Variants in DLGAP1 observed in about 807,000 individuals in gnomAD.
The protein encoded by DLGAP1 is DLG associated protein 1, also known as disks large-associated protein 1.
Under a neutral mutation model 90.8 loss-of-function variants are expected in DLGAP1, and 11 were observed. That is an observed-to-expected ratio of 0.12 (90% CI 0.08 to 0.20). DLGAP1 has a LOEUF of 0.20. DLGAP1 is among the 10% of genes least tolerant of loss of function. The pLI is 1.00. For missense variants in DLGAP1, 1,050 were observed against 1,333.8 expected (o/e 0.79, Z 3.31); for synonymous variants, 558 against 540.7 (o/e 1.03, Z -0.44).
intron 2 of DLGAP1, among the ~76,000 whole-genome samples, chr18:4,115,938 T>C (rs1180670965): frequency 6.6e-6 from 1 of 152,260 alleles, no homozygotes; most frequent in South Asian, 2.1e-4. Context: ...GGAATGAATA[T>C]TCAATTACAC....
At chr18:4,208,216 G>C (rs898093304) in intron 1 of DLGAP1, among the ~76,000 whole-genome samples, 2 of 152,138 alleles carry the variant, frequency 1.3e-5, no homozygotes, top group African/African-American at 4.8e-5. Flanking sequence ...AGCAGGTTGT[G>C]TTTTGGAAGT....
chr18:4,086,780 T>A (rs1480318418), intron 2 of DLGAP1, among the ~76,000 whole-genome samples: 1 of 152,010 alleles, frequency 6.6e-6, no homozygotes, highest in Non-Finnish European at 1.5e-5. Flanking sequence ...TTAAGTCAGG[T>A]CAAGTTTGTT....
intron 7 of DLGAP1, among the ~76,000 whole-genome samples, chr18:3,586,451 T>A (rs1490272252): frequency 6.6e-6 from 1 of 152,042 alleles, no homozygotes; most frequent in African/African-American, 2.4e-5. Flanking sequence ...TGTCCAGTCA[T>A]GGGCTAGGAA....
chr18:4,369,151 T>G (rs1598298629), intron 1 of DLGAP1, among the ~76,000 whole-genome samples: 1 of 152,344 alleles, frequency 6.6e-6, no homozygotes, highest in East Asian at 1.9e-4. Flanking sequence ...TCTCCTTATA[T>G]CTGAGATGTA....
At chr18:4,224,615 T>C (rs567511) in intron 1 of DLGAP1, among the ~76,000 whole-genome samples, 116,996 of 152,012 alleles carry the variant, frequency 0.77, 45,489 homozygotes, top group African/African-American at 0.87. Flanking sequence ...ACGCCTCTGC[T>C]TGTGGAAAGG....
At chr18:4,117,401 T>A (rs1214645868) in intron 2 of DLGAP1, among the ~76,000 whole-genome samples, 4 of 152,262 alleles carry the variant, frequency 2.6e-5, no homozygotes, top group Non-Finnish European at 5.9e-5. Context: ...GCAACACTGC[T>A]TATTGATTGC....
At chr18:4,149,599 G>T (rs1440851257) in intron 2 of DLGAP1, among the ~76,000 whole-genome samples, 1 of 152,208 alleles carries the variant, frequency 6.6e-6, no homozygotes, top group African/African-American at 2.4e-5. Flanking sequence ...CTGCACAGCA[G>T]GAAGTGAGCA....
chr18:4,437,741 A>G (rs926771700), intron 1 of DLGAP1, among the ~76,000 whole-genome samples: 14 of 152,346 alleles, frequency 9.2e-5, no homozygotes, highest in Admixed American at 9.1e-4. Context: ...ATGGTTTAAA[A>G]GATTATATGC....
intron 4 of DLGAP1, among the ~76,000 whole-genome samples, chr18:3,846,040 T>TATG (rs2068990069): frequency 1.0e-5 from 1 of 96,890 alleles, no homozygotes; most frequent in African/African-American, 4.1e-5. Flanking sequence ...TTATTGAAAG[T>TATG]GTGGTGTGTG....
intron 2 of DLGAP1, among the ~76,000 whole-genome samples, chr18:4,012,085 A>G (rs7245170): frequency 0.24 from 35,809 of 151,736 alleles, 4,709 homozygotes; most frequent in African/African-American, 0.36. Flanking sequence ...ATTCAAGCCC[A>G]ATCCTTTTCC....
intron 5 of DLGAP1, among the ~76,000 whole-genome samples, 190 bp from the exon 6 acceptor site, chr18:3,742,702 C>G (rs2063107375): frequency 6.6e-6 from 1 of 152,202 alleles, no homozygotes; most frequent in African/African-American, 2.4e-5. Flanking sequence ...TCATCAAGAT[C>G]TGATGACATT....
At chr18:3,733,315 T>C (rs1031937231) in intron 6 of DLGAP1, among the ~76,000 whole-genome samples, 2 of 152,228 alleles carry the variant, frequency 1.3e-5, no homozygotes, top group Non-Finnish European at 2.9e-5. Context: ...CCATGACTTA[T>C]GATTTTTCTG....
chr18:4,272,037 C>A (rs1456736411), intron 1 of DLGAP1, among the ~76,000 whole-genome samples: 1 of 152,060 alleles, frequency 6.6e-6, no homozygotes, highest in East Asian at 1.9e-4. Flanking sequence ...TCTTTCATGA[C>A]TGTATTCAGA....
intron 7 of DLGAP1, among the ~76,000 whole-genome samples, chr18:3,599,876 C>T (rs1177418433): frequency 1.3e-5 from 2 of 151,992 alleles, no homozygotes; most frequent in African/African-American, 2.4e-5. Context: ...CTCGGCCTCC[C>T]AAAATGTTGG....
intron 7 of DLGAP1, among the ~76,000 whole-genome samples, chr18:3,677,174 CAACCACCAGTTGAGGAATTG>C (rs1427092593): frequency 2.0e-5 from 3 of 152,188 alleles, no homozygotes; most frequent in Non-Finnish European, 4.4e-5. Context: ...TCCAGTTCCT[CAACCACCAGTTGAGGAATTG>C]AACCACCAGT....
intron 5 of DLGAP1, among the ~76,000 whole-genome samples, chr18:3,755,968 C>G (rs184691117): frequency 6.6e-6 from 1 of 152,034 alleles, no homozygotes; most frequent in African/African-American, 2.4e-5. Flanking sequence ...AAAGTATGTT[C>G]AGTAATTATA....
At chr18:3,651,760 G>C (rs541957447) in intron 7 of DLGAP1, among the ~76,000 whole-genome samples, 1 of 152,142 alleles carries the variant, frequency 6.6e-6, no homozygotes, top group Non-Finnish European at 1.5e-5. Context: ...ATCTCTTGAG[G>C]TCAGGAGTTC....
chr18:4,295,436 G>A (rs1466917277), intron 1 of DLGAP1: 1 of 152,186 alleles, frequency 6.6e-6, no homozygotes, highest in East Asian at 1.9e-4. Context: ...TAGATATCAT[G>A]TCTTATTTCC....
chr18:4,042,171 T>C (rs1453793655), intron 2 of DLGAP1, among the ~76,000 whole-genome samples: 2 of 152,196 alleles, frequency 1.3e-5, no homozygotes, highest in African/African-American at 4.8e-5. Flanking sequence ...GATTGGACAG[T>C]TTTGGGTTAA....
Sources: gnomAD v4.1 joint callset for allele counts (sites outside exome capture counted in the v4.1 genomes callset) on GRCh38, gnomAD v4.1.1 for gene constraint, MANE v1.5 for transcripts, NCBI Gene and HGNC (gene_info 2026-07-23, HGNC 2026-07-21) for gene names.